The following FGF18 variants were observed in gnomAD, a reference collection of about 807,000 sequenced individuals.
FGF18 encodes the protein fibroblast growth factor 18.
In FGF18, 5 loss-of-function variants were observed where a neutral mutation model predicts 23.0. The observed-to-expected ratio is 0.22, with a 90% CI of 0.11 to 0.46. FGF18 has a LOEUF of 0.46. Among genes scored for constraint, FGF18 ranks in the 20% least tolerant of loss-of-function variants. The probability of loss-of-function intolerance (pLI) is 0.99; values close to 1 mark genes in which losing one functional copy is unlikely to be tolerated. For missense variants in FGF18, 180 were observed against 291.6 expected (o/e 0.62, Z 2.79); for synonymous variants, 117 against 118.9 (o/e 0.98, Z 0.10).
chr5:171,432,685 C>T (rs1772198724), intron 2 of FGF18, among the ~76,000 whole-genome samples: 1 of 152,202 alleles, frequency 6.6e-6, no homozygotes, highest in South Asian at 2.1e-4. Flanking sequence ...CCACCTCGGC[C>T]TTCCAAAGTG....
chr5:171,423,476 A>G (rs541242669), intron 2 of FGF18, among the ~76,000 whole-genome samples: 30 of 152,216 alleles, frequency 2.0e-4, no homozygotes, highest in Non-Finnish European at 3.1e-4. Context: ...CCTTCCCCAG[A>G]CAGACCAGGC....
In FGF18 at chr5:171,430,647, G is replaced by C. The variant is rs1370279773; in HGVS notation, c.70-5446G>C. Among the ~76,000 whole-genome samples, 113 of 148,470 alleles carry C rather than the reference G, an allele frequency of 7.6e-4. 4 individuals are homozygous for C. Among genetic ancestry groups the C allele is most frequent in the African/African-American group, 2.9e-3 (111 of 38,890 alleles). ...ACTAAAAATACAAAAAATTAGCCGGGCGCGGTGGCGGGCGCCTGTAGTCCC... is the reference window on the plus strand; with the variant it reads ...ACTAAAAATACAAAAAATTAGCCGGCCGCGGTGGCGGGCGCCTGTAGTCCC... On this transcript the variant is annotated intron_variant, in intron 2 of 4. Coordinates refer to ENST00000274625, the MANE Select transcript of FGF18 (RefSeq NM_003862.3).
At chr5:171,430,789 C>T (rs550421555) in intron 2 of FGF18, among the ~76,000 whole-genome samples, 3 of 118,232 alleles carry the variant, frequency 2.5e-5, no homozygotes, top group Non-Finnish European at 5.1e-5. Flanking sequence ...AGCAAGACTC[C>T]GTCTCAAAAA....
In FGF18 at chr5:171,436,291, C is replaced by A; in HGVS notation, c.250+18C>A. On this transcript the variant is annotated intron_variant, in intron 3 of 4. Coordinates refer to ENST00000274625, the MANE Select transcript of FGF18 (RefSeq NM_003862.3). This position sits in a 1 kb window ranked among gnomAD's most constrained non-coding sequence, Gnocchi z 4.4. Reference sequence around the variant, plus strand: ...CAAGTATGGTATGTGCCAACCCTCTCCTCCTACTCCGTGTACCCGTGTACA... The same window carrying A: ...CAAGTATGGTATGTGCCAACCCTCTACTCCTACTCCGTGTACCCGTGTACA... The A allele has an allele frequency of 6.6e-7, 1 of 1,518,394 alleles. No individual in the cohort carries two copies. Among genetic ancestry groups the A allele is most frequent in the Non-Finnish European group, 8.9e-7 (1 of 1,127,054 alleles). 94.1% of individuals were successfully genotyped at this position (1,518,394 alleles called of 1,614,324 possible). A position where few individuals can be genotyped will look rare whatever the true frequency, so the allele number is the denominator to read the frequency against.
chr5:171,429,031 G>T (rs964753127), intron 2 of FGF18, among the ~76,000 whole-genome samples: 1 of 152,216 alleles, frequency 6.6e-6, no homozygotes, highest in African/African-American at 2.4e-5. Flanking sequence ...GACAGTCTGG[G>T]GGGTGGGGAA....
Position 171,433,557 on chromosome 5 carries a change from C to G in FGF18, c.70-2536C>G, listed in dbSNP as rs966263289. On this transcript the variant is annotated intron_variant, in intron 2 of 4. Coordinates refer to ENST00000274625, the MANE Select transcript of FGF18 (RefSeq NM_003862.3). Reference sequence around the variant, plus strand: ...CAGGAGCACTGGAGTTCTTCTGTCCCTGAGCAGCAGGATGTGGAAGGAGGC... The same window carrying G: ...CAGGAGCACTGGAGTTCTTCTGTCCGTGAGCAGCAGGATGTGGAAGGAGGC... Among the ~76,000 whole-genome samples, 4 of 152,144 alleles carry G rather than the reference C, an allele frequency of 2.6e-5. No homozygotes were observed. In the South Asian group the frequency reaches 6.2e-4, roughly 24 times the overall value.
At chr5:171,449,492 G>C (rs377015632) in intron 4 of FGF18, among the ~76,000 whole-genome samples, 2 of 151,442 alleles carry the variant, frequency 1.3e-5, no homozygotes, top group Non-Finnish European at 2.9e-5. Flanking sequence ...TCTCTTCCCC[G>C]GGCACTTGAA....
At chr5:171,427,208 A>T (rs530954506) in intron 2 of FGF18, among the ~76,000 whole-genome samples, 167 of 139,634 alleles carry the variant, frequency 1.2e-3, no homozygotes, top group African/African-American at 3.7e-3. Flanking sequence ...CCATCTGGGA[A>T]AAAAAAAAAA....
chr5:171,421,744 G>C (rs566893124), intron 2 of FGF18, among the ~76,000 whole-genome samples: 3 of 152,320 alleles, frequency 2.0e-5, no homozygotes, highest in African/African-American at 7.2e-5. Flanking sequence ...GGGGATGGAA[G>C]GGTGGACGGA....
chr5:171,430,729 A>G lies in FGF18; in HGVS notation c.70-5364A>G, dbSNP rs886967369. Among the ~76,000 whole-genome samples the G allele has an allele frequency of 1.2e-4, 17 of 137,928 alleles. 1 individual carries two copies. Among genetic ancestry groups the G allele is most frequent in the Admixed American group, 1.2e-3 (16 of 13,792 alleles). The allele number at this position is 137,928 out of a possible 152,430, so 90.5% of individuals were successfully genotyped here. The stretch of plus-strand genomic sequence containing the variant: ...CGTGAACCCGGGAAGCGGAGCTTGC[A>G]GTGAGCCGAGATTGCGCCACTGCAG... On this transcript the variant is annotated intron_variant, in intron 2 of 4. Coordinates refer to ENST00000274625, the MANE Select transcript of FGF18 (RefSeq NM_003862.3).
chr5:171,450,951 C>T (rs890754571), intron 4 of FGF18, among the ~76,000 whole-genome samples: 4 of 152,050 alleles, frequency 2.6e-5, no homozygotes, highest in Admixed American at 2.0e-4. Flanking sequence ...TGCCCGTGCC[C>T]ACGCCGCGGC....
At chr5:171,420,813 A>G (rs1771993996) in intron 2 of FGF18, among the ~76,000 whole-genome samples, 1 of 152,234 alleles carries the variant, frequency 6.6e-6, no homozygotes, top group South Asian at 2.1e-4. Flanking sequence ...TTCCCTTAAC[A>G]TCGCCGCTTC....
chr5:171,449,068 G>A (rs1772455829), intron 3 of FGF18, 79 bp from the exon 4 acceptor site: 1 of 1,058,126 alleles, frequency 9.5e-7, no homozygotes, highest in Non-Finnish European at 1.5e-6. Flanking sequence ...TAGGACCAGG[G>A]ACCATGTCAC....
rs958997110 is a variant in FGF18 at position 171,451,463 on chromosome 5, T to G, written c.357+2210T>G. Reference sequence around the variant, plus strand: ...GCCCAGTCGTACCTTAGGCCCTGGGTGTCCCCTCCTGCCCTAACCCCTGCC... The same window carrying G: ...GCCCAGTCGTACCTTAGGCCCTGGGGGTCCCCTCCTGCCCTAACCCCTGCC... On this transcript the variant is annotated intron_variant, in intron 4 of 4. Transcript: ENST00000274625. The surrounding 1 kb of genome is among the most constrained non-coding windows in gnomAD (Gnocchi z 4.5). Among the ~76,000 whole-genome samples the G allele has an allele frequency of 2.0e-5, 3 of 152,092 alleles. No homozygotes were observed. Among genetic ancestry groups the G allele is most frequent in the African/African-American group, 7.2e-5 (3 of 41,428 alleles).
At chr5:171,455,925 A>AGG (rs1772573919) in intron 4 of FGF18, among the ~76,000 whole-genome samples, 1 of 152,064 alleles carries the variant, frequency 6.6e-6, no homozygotes, top group Admixed American at 6.6e-5. Context: ...ACCTAATTGG[A>AGG]GGGTGGGGGA....
chr5:171,435,805 G>C (rs761537313), intron 2 of FGF18, among the ~76,000 whole-genome samples: 8 of 152,202 alleles, frequency 5.3e-5, no homozygotes, highest in Non-Finnish European at 1.0e-4. Context: ...GCTTTAATAT[G>C]TGGCTGTGGT....
At chr5:171,422,104 G>C (rs1175371786) in intron 2 of FGF18, among the ~76,000 whole-genome samples, 1 of 152,152 alleles carries the variant, frequency 6.6e-6, no homozygotes. Flanking sequence ...TGTGGCTCAA[G>C]CCTCTGGATG....
At chr5:171,444,777 A>C (rs943801030) in intron 3 of FGF18, among the ~76,000 whole-genome samples, 1 of 152,184 alleles carries the variant, frequency 6.6e-6, no homozygotes, top group African/African-American at 2.4e-5. Flanking sequence ...TTTCATTTTC[A>C]TTAGCCAGTG....
At chr5:171,432,018 C>T (rs1409515042) in intron 2 of FGF18, among the ~76,000 whole-genome samples, 1 of 152,140 alleles carries the variant, frequency 6.6e-6, no homozygotes, top group Non-Finnish European at 1.5e-5. Flanking sequence ...CACTGCACTC[C>T]AGTCTGGGTG....
Sources: allele counts gnomAD v4.1 joint callset (sites outside exome capture counted in the v4.1 genomes callset), GRCh38; gene constraint gnomAD v4.1.1; non-coding constraint Gnocchi (gnomAD v3.1); transcripts MANE v1.5; gene names NCBI Gene and HGNC (gene_info 2026-07-23, HGNC 2026-07-21).